Variants in DLG2 observed in about 807,000 individuals in gnomAD.
DLG2 encodes the protein discs large MAGUK scaffold protein 2.
Under a neutral mutation model 132.5 loss-of-function variants are expected in DLG2, and 45 were observed. That is an observed-to-expected ratio of 0.34 (90% CI 0.27 to 0.44). The LOEUF (loss-of-function observed/expected upper bound fraction) is 0.44. Among genes scored for constraint, DLG2 ranks in the 20% least tolerant of loss-of-function variants. DLG2 has a pLI of 1.00. For missense variants in DLG2, 1,045 were observed against 1,196.9 expected, an observed-to-expected ratio of 0.87 and a Z score of 1.87; for synonymous variants, 424 against 419.6, an observed-to-expected ratio of 1.01 and a Z score of -0.13.
chr11:83,876,738 T>G (rs1345479216), intron 15 of DLG2, among the ~76,000 whole-genome samples: 2 of 152,094 alleles, frequency 1.3e-5, no homozygotes, highest in Non-Finnish European at 2.9e-5. Context: ...ACCAAGTGGG[T>G]GTACTTTCCA....
chr11:85,564,781 A>G lies in DLG2; in HGVS notation c.40+33876T>C, dbSNP rs553038356. On this transcript the variant is annotated intron_variant, in intron 3 of 27. Coordinates refer to ENST00000376104, the MANE Select transcript of DLG2 (RefSeq NM_001142699.3). ...TAGAATCAGTTTGTCAATTTTTTTA[A>G]AAGCAGAGATTTTGGTTGACATTGC... 2.0e-5 allele frequency among the ~76,000 whole-genome samples: 3 copies of G among 152,086 alleles called. No homozygotes were observed. The South Asian group carries it at 6.2e-4, about 31-fold the overall frequency.
chr11:84,261,434 A>C (rs1260704954), intron 7 of DLG2, among the ~76,000 whole-genome samples: 2 of 152,154 alleles, frequency 1.3e-5, no homozygotes, highest in African/African-American at 4.8e-5. Flanking sequence ...ATGCTTCATG[A>C]TACTTTCCCC....
At chr11:83,683,857 C>T (rs1417368699) in intron 18 of DLG2, among the ~76,000 whole-genome samples, 1 of 152,106 alleles carries the variant, frequency 6.6e-6, no homozygotes, top group Non-Finnish European at 1.5e-5. Flanking sequence ...TAACATCTCT[C>T]TACCAGAGAT....
chr11:84,259,541 G>T (rs1289858624), intron 7 of DLG2, among the ~76,000 whole-genome samples: 2 of 152,090 alleles, frequency 1.3e-5, no homozygotes, highest in Non-Finnish European at 2.9e-5. Context: ...GTGCCTGAGG[G>T]CGTGGCTAGT....
intron 6 of DLG2, among the ~76,000 whole-genome samples, chr11:84,895,714 G>A (rs946132535): frequency 7.9e-5 from 12 of 152,064 alleles, no homozygotes; most frequent in Admixed American, 5.2e-4. Context: ...GTTTCTCTGA[G>A]GCAATATTTA....
chr11:83,804,579 GACACACACAC>G (rs61221099), intron 17 of DLG2, among the ~76,000 whole-genome samples: 28 of 142,030 alleles, frequency 2.0e-4, no homozygotes. Flanking sequence ...CCTAGCAGAA[GACACACACAC>G]ACACACACAC....
chr11:84,704,696 GGCTTAACCATTATTGACCAGA>G (rs1471520392), intron 6 of DLG2, among the ~76,000 whole-genome samples: 1 of 151,110 alleles, frequency 6.6e-6, no homozygotes, highest in African/African-American at 2.4e-5. Context: ...CTATTCAAAT[GGCTTAACCATTATTGACCAGA>G]GCTTTTCCTA....
chr11:85,079,394 C>G (rs1392415991), intron 6 of DLG2, among the ~76,000 whole-genome samples: 2 of 151,946 alleles, frequency 1.3e-5, no homozygotes, highest in Admixed American at 1.3e-4. Context: ...AACCCATTCC[C>G]ATCATGGCCT....
chr11:83,747,799 T>G (rs1367056737), intron 18 of DLG2, among the ~76,000 whole-genome samples: 1 of 151,868 alleles, frequency 6.6e-6, no homozygotes, highest in Admixed American at 6.6e-5. Flanking sequence ...TATATTTAAG[T>G]AATATAAACA....
intron 3 of DLG2, among the ~76,000 whole-genome samples, chr11:85,490,104 A>G (rs908677902): frequency 6.6e-6 from 1 of 151,984 alleles, no homozygotes; most frequent in Non-Finnish European, 1.5e-5. Flanking sequence ...GAGAGGATCA[A>G]TTAAGCCCAA....
intron 3 of DLG2, among the ~76,000 whole-genome samples, chr11:85,518,669 C>T (rs746848918): frequency 2.4e-4 from 36 of 152,166 alleles, no homozygotes; most frequent in Non-Finnish European, 4.9e-4. Flanking sequence ...GCATAAGCAA[C>T]AAGGAGCCGA....
intron 6 of DLG2, among the ~76,000 whole-genome samples, chr11:84,574,181 G>C (rs1377318513): frequency 1.3e-5 from 2 of 151,906 alleles, no homozygotes; most frequent in Non-Finnish European, 2.9e-5. Context: ...ACACAAACTG[G>C]GATTCACGAA....
intron 8 of DLG2, among the ~76,000 whole-genome samples, chr11:84,183,568 A>G (rs12789203): frequency 0.065 from 9,868 of 152,220 alleles, 397 homozygotes; most frequent in African/African-American, 0.1. Flanking sequence ...ATATATCAAT[A>G]GAAATGTTTC....
intron 3 of DLG2, among the ~76,000 whole-genome samples, chr11:85,512,370 T>G (rs1343954100): frequency 6.6e-6 from 1 of 152,150 alleles, no homozygotes; most frequent in Non-Finnish European, 1.5e-5. Flanking sequence ...TAGAGTGGAA[T>G]GCATACAGTT....
chr11:85,411,374 C>G (rs1375265475), intron 3 of DLG2, among the ~76,000 whole-genome samples: 1 of 151,832 alleles, frequency 6.6e-6, no homozygotes, highest in African/African-American at 2.4e-5. Context: ...CTATGAGTCT[C>G]TTGCAGCGTT....
intron 7 of DLG2, among the ~76,000 whole-genome samples, chr11:84,314,294 C>T (rs1429047947): frequency 6.6e-6 from 1 of 152,134 alleles, no homozygotes; most frequent in African/African-American, 2.4e-5. Flanking sequence ...GTATCATTAG[C>T]CTCCAGCTTT....
chr11:84,834,747 A>C (rs1170958975), intron 6 of DLG2, among the ~76,000 whole-genome samples: 1 of 150,352 alleles, frequency 6.7e-6, no homozygotes, highest in African/African-American at 2.4e-5. Flanking sequence ...ACTGTATGAG[A>C]TTTGGAGTAC....
At chr11:85,158,111 GACCTATAAGGAGGTAC>G (rs2077726449) in intron 4 of DLG2, among the ~76,000 whole-genome samples, 1 of 151,922 alleles carries the variant, frequency 6.6e-6, no homozygotes, top group Non-Finnish European at 1.5e-5. Flanking sequence ...TTCAGAGTGT[GACCTATAAGGAGGTAC>G]ACTATACTCA....
At chr11:84,717,142 G>C (rs2061329963) in intron 6 of DLG2, among the ~76,000 whole-genome samples, 4 of 151,982 alleles carry the variant, frequency 2.6e-5, no homozygotes, top group Admixed American at 2.6e-4. Flanking sequence ...TAGTGTTTTT[G>C]AAACTGACAG....
Sources: gnomAD v4.1 joint callset for allele counts (sites outside exome capture counted in the v4.1 genomes callset) on GRCh38, gnomAD v4.1.1 for gene constraint, MANE v1.5 for transcripts, NCBI Gene and HGNC (gene_info 2026-07-23, HGNC 2026-07-21) for gene names.